The following MYO9B variants were observed in gnomAD, a reference collection of about 807,000 sequenced individuals.
MYO9B encodes the protein unconventional myosin-IXb.
A neutral mutation model predicts 229.5 loss-of-function variants in MYO9B; 71 were observed. That is an observed-to-expected ratio of 0.31 (90% CI 0.26 to 0.38). The LOEUF (loss-of-function observed/expected upper bound fraction) is 0.38, where lower values mean the gene tolerates loss of function less well. Among genes scored for constraint, MYO9B ranks in the 10% least tolerant of loss-of-function variants. The probability of loss-of-function intolerance (pLI) is 1.00; values close to 1 mark genes in which losing one functional copy is unlikely to be tolerated. For missense variants in MYO9B, 2,255 were observed against 2,920.5 expected (o/e 0.77, Z 5.25); for synonymous variants, 1,185 against 1,235.8 (o/e 0.96, Z 0.86).
intron 1 of MYO9B, among the ~76,000 whole-genome samples, chr19:17,098,045 AC>A (rs10602502): frequency 0.056 from 7,367 of 132,498 alleles, 211 homozygotes; most frequent in East Asian, 0.1. Flanking sequence ...ATCCTTCAGA[AC>A]CCCCCCCCCC....
chr19:17,088,993 G>A (rs2057611058), intron 1 of MYO9B, among the ~76,000 whole-genome samples: 1 of 152,144 alleles, frequency 6.6e-6, no homozygotes, highest in African/African-American at 2.4e-5. Flanking sequence ...CCCACTTTCT[G>A]AAATGCCCCA....
Position 17,202,020 on chromosome 19 carries a change from T to C in MYO9B, c.4658T>C (p.Val1553Ala), listed in dbSNP as rs763613998. ...AGCAACATCAAAACGATGTACTCTG[T>C]CCCGGTATGTGGCGGCCCGGCCTTC... ...FRSNIKTMYSVPNGKIHVGYK... is the reference protein window; with the variant it reads ...FRSNIKTMYSAPNGKIHVGYK... The change falls in exon 27 of 40, where the codon GTC becomes GCC. Residue 1553 changes from valine (V) to alanine (A), a missense_variant. By Grantham distance (64) the Val-to-Ala change is moderately conservative. Coordinates refer to ENST00000682292, the MANE Select transcript of MYO9B (RefSeq NM_004145.4). The C allele has an allele frequency of 6.2e-7, 1 of 1,611,960 alleles. No individual in the cohort carries two copies. Among genetic ancestry groups the C allele is most frequent in the South Asian group, 1.1e-5 (1 of 90,742 alleles).
intron 1 of MYO9B, among the ~76,000 whole-genome samples, chr19:17,088,238 C>T (rs376124508): frequency 2.6e-5 from 4 of 152,350 alleles, no homozygotes; most frequent in East Asian, 3.9e-4. Context: ...TCTTTATTCA[C>T]GTGCCGCCTT....
At chr19:17,084,536 T>C (rs1473457109) in intron 1 of MYO9B, among the ~76,000 whole-genome samples, 3 of 151,800 alleles carry the variant, frequency 2.0e-5, no homozygotes, top group Admixed American at 6.6e-5. Context: ...ACCTTCTTCA[T>C]GTTGGTAGCA....
At chr19:17,111,219 C>A (rs1303072825) in intron 2 of MYO9B, among the ~76,000 whole-genome samples, 1 of 152,144 alleles carries the variant, frequency 6.6e-6, no homozygotes, top group Non-Finnish European at 1.5e-5. Flanking sequence ...GACTGACCAC[C>A]CCCACCTGAC....
At chr19:17,208,433 CTTT>C (rs919188556) in intron 35 of MYO9B, among the ~76,000 whole-genome samples, 2 of 146,104 alleles carry the variant, frequency 1.4e-5, no homozygotes, top group Non-Finnish European at 3.0e-5. Context: ...TAAAACAGAA[CTTT>C]TTTTTTTCTT....
At chr19:17,135,147 G>A (rs7250191) in intron 2 of MYO9B, among the ~76,000 whole-genome samples, 2,268 of 152,258 alleles carry the variant, frequency 0.015, 60 homozygotes, top group African/African-American at 0.049. Flanking sequence ...TTTCTTCCAC[G>A]TACTGATGTC....
At chr19:17,133,378 T>G (rs1312136329) in intron 2 of MYO9B, among the ~76,000 whole-genome samples, 2 of 152,140 alleles carry the variant, frequency 1.3e-5, no homozygotes, top group South Asian at 4.1e-4. Context: ...AATTTATTCC[T>G]CCTCTCTAAT....
intron 8 of MYO9B, among the ~76,000 whole-genome samples, chr19:17,159,814 C>G (rs2072578408): frequency 1.3e-5 from 2 of 152,216 alleles, no homozygotes; most frequent in Admixed American, 1.3e-4. Context: ...ATGGCCATAC[C>G]CATTCATTTA....
rs371206704 is a variant in MYO9B, at chr19:17,106,087, C to T, written c.840+3530C>T. Among the ~76,000 whole-genome samples the T allele has an allele frequency of 5.9e-5, 9 of 151,756 alleles. No homozygotes were observed. The East Asian group carries it at 9.8e-4, about 16-fold the overall frequency. On this transcript the variant is annotated intron_variant, in intron 2 of 39. Coordinates refer to ENST00000682292, the MANE Select transcript of MYO9B (RefSeq NM_004145.4). The stretch of plus-strand genomic sequence containing the variant: ...GCACAATCATAACTCACCGCAGCCT[C>T]GAGAACTTCTGGGCTCAAGCGATCC...
At chr19:17,168,942 C>A (rs12986130) in intron 11 of MYO9B, among the ~76,000 whole-genome samples, 49,200 of 152,032 alleles carry the variant, frequency 0.32, 8,258 homozygotes, top group Middle Eastern at 0.37. Flanking sequence ...GCACCTCATT[C>A]TGGGTCACCC....
chr19:17,140,041 CAA>C (rs890338138), intron 2 of MYO9B, among the ~76,000 whole-genome samples: 1 of 142,692 alleles, frequency 7.0e-6, no homozygotes. Context: ...AACTCTGTCT[CAA>C]AAAAAAAAGA....
intron 3 of MYO9B, among the ~76,000 whole-genome samples, chr19:17,148,787 T>C (rs1433531323): frequency 6.6e-6 from 1 of 152,174 alleles, no homozygotes; most frequent in East Asian, 1.9e-4. Flanking sequence ...CCTCACTGTG[T>C]TGGCCAGGTT....
intron 2 of MYO9B, among the ~76,000 whole-genome samples, chr19:17,135,974 C>T (rs985585238): frequency 1.3e-5 from 2 of 152,148 alleles, no homozygotes; most frequent in African/African-American, 4.8e-5. Flanking sequence ...GAGAGAGACC[C>T]GTTTCCTGCT....
At chr19:17,205,164 A>AAAT in intron 30 of MYO9B, 99 bp from the exon 31 acceptor site, 39 of 748,898 alleles carry the variant, frequency 5.2e-5, no homozygotes, top group Non-Finnish European at 7.4e-5. Context: ...AAAAAAAAAA[A>AAAT]AAGAAGGCAA....
chr19:17,128,954 G>A (rs1339980359), intron 2 of MYO9B, among the ~76,000 whole-genome samples: 5 of 152,160 alleles, frequency 3.3e-5, no homozygotes, highest in Admixed American at 6.6e-5. Flanking sequence ...TTCTCCAGCC[G>A]CAGCCTCTCT....
chr19:17,182,963 C>A, intron 15 of MYO9B, among the ~76,000 whole-genome samples: 1 of 152,084 alleles, frequency 6.6e-6, no homozygotes, highest in East Asian at 1.9e-4. Context: ...TCTCTGTCAC[C>A]CAGGTTGGAG....
intron 2 of MYO9B, among the ~76,000 whole-genome samples, chr19:17,130,855 C>G (rs537378803): frequency 6.6e-6 from 1 of 152,046 alleles, no homozygotes; most frequent in Non-Finnish European, 1.5e-5. Flanking sequence ...CTCTGTTTGA[C>G]TGAACATTAG....
Position 17,195,373 on chromosome 19 carries a change from A to G in MYO9B, c.3946A>G (p.Lys1316Glu). 1.2e-6 allele frequency: 2 copies of G among 1,610,960 alleles called. No homozygotes were observed. The highest frequency in any genetic ancestry group is 1.7e-6 in the Non-Finnish European group (2 of 1,179,520). Reference sequence around the variant, plus strand: ...CAGCGCCGTGGAACTGTGGCGGGGCAAGAAGCTGGTGGCCGCCGCCAGCCC... The same window carrying G: ...CAGCGCCGTGGAACTGTGGCGGGGCGAGAAGCTGGTGGCCGCCGCCAGCCC... ...LASAVELWRG[K>E]KLVAAASPSA... is the part of the protein sequence containing the mutation. The change falls in exon 22 of 40, where the codon AAG (lysine) becomes GAG (glutamate). Residue 1316 changes from lysine (K) to glutamate (E), a missense_variant. Coordinates refer to ENST00000682292, the MANE Select transcript of MYO9B (RefSeq NM_004145.4). The surrounding 1 kb of genome is among the most constrained non-coding windows in gnomAD (Gnocchi z 4.5).
Sources: allele counts gnomAD v4.1 joint callset (sites outside exome capture counted in the v4.1 genomes callset), GRCh38; gene constraint gnomAD v4.1.1; non-coding constraint Gnocchi (gnomAD v3.1); transcripts MANE v1.5; gene names NCBI Gene and HGNC (gene_info 2026-07-23, HGNC 2026-07-21).